NAPA: variants seen among roughly 807,000 people sequenced by gnomAD.
The protein encoded by NAPA is NSF attachment protein alpha.
NAPA carries 18 observed loss-of-function variants against 48.0 expected under a neutral mutation model. The observed-to-expected ratio is 0.38, with a 90% CI of 0.26 to 0.56. The LOEUF (loss-of-function observed/expected upper bound fraction) is 0.56, where lower values mean the gene tolerates loss of function less well. Among genes scored for constraint, NAPA ranks in the 20% least tolerant of loss-of-function variants. The probability of loss-of-function intolerance (pLI) is 0.77; values close to 1 mark genes in which losing one functional copy is unlikely to be tolerated. For synonymous variants in NAPA, 152 were observed against 149.9 expected (o/e 1.01, Z -0.10); for missense variants, 315 against 385.0 (o/e 0.82, Z 1.52).
In NAPA at chr19:47,490,191, T is replaced by C. The variant is rs376820250; in HGVS notation, c.736-430A>G. Among the ~76,000 whole-genome samples, 81 of 143,800 alleles carry C rather than the reference T, an allele frequency of 5.6e-4. No homozygotes were observed. In the South Asian group the frequency reaches 0.018, roughly 32 times the overall value. The allele number at this position is 143,800 out of a possible 152,430, so 94.3% of individuals were successfully genotyped here. A position where few individuals can be genotyped will look rare whatever the true frequency, so the allele number is the denominator to read the frequency against. On this transcript the variant is annotated intron_variant, in intron 9 of 10. Coordinates refer to ENST00000263354, the MANE Select transcript of NAPA (RefSeq NM_003827.4). ...GTGTGTGTGGTGTGTGTAGTGTGTG[T>C]GCAATGTGTGTGTGTGGGGTGTGTC...
chr19:47,492,670 C>G (rs1396639296), intron 7 of NAPA: 1 of 550,610 alleles, frequency 1.8e-6, no homozygotes, highest in African/African-American at 1.9e-5. Context: ...TTCCCTCCCT[C>G]TGGGTTCTTT....
rs1228608238 is a variant in NAPA, at chr19:47,506,922, C to T, written c.99-3420G>A. ...TCCCCAAAGGGGGAAAGTGACGTGC[C>T]TAGGTTCCAGTGGAAGATCCTGAAG... On this transcript the variant is annotated intron_variant, in intron 1 of 10. Coordinates refer to ENST00000263354, the MANE Select transcript of NAPA (RefSeq NM_003827.4). The surrounding 1 kb of genome is among the most constrained non-coding windows in gnomAD (Gnocchi z 4.0). The T allele has an allele frequency of 1.3e-5, 2 of 152,266 alleles. No individual in the cohort carries two copies. Among genetic ancestry groups the T allele is most frequent in the African/African-American group, 4.8e-5 (2 of 41,464 alleles). 9.4% of individuals were successfully genotyped at this position (152,266 alleles called of 1,614,324 possible). A position where few individuals can be genotyped will look rare whatever the true frequency, so the allele number is the denominator to read the frequency against.
chr19:47,492,197 G>T lies in NAPA; in HGVS notation c.562-78C>A, dbSNP rs188133201. On this transcript the variant is annotated intron_variant, in intron 7 of 10. Coordinates refer to ENST00000263354, the MANE Select transcript of NAPA (RefSeq NM_003827.4). ...CCAGAGCCACTGCCAGGCACTGGGG[G>T]GCCAGCTGGGAGCTGGTTCATGTCC... The T allele has an allele frequency of 4.1e-4, 525 of 1,291,686 alleles. 4 individuals carry two copies. The East Asian group carries it at 0.012, about 28-fold the overall frequency. The allele number at this position is 1,291,686 out of a possible 1,614,324, so 80.0% of individuals were successfully genotyped here.
At chr19:47,510,322 G>C (rs534623106) in intron 1 of NAPA, among the ~76,000 whole-genome samples, 7 of 152,372 alleles carry the variant, frequency 4.6e-5, no homozygotes, top group African/African-American at 1.7e-4. Context: ...AACAGGAACT[G>C]ATTTGTCAAG....
chr19:47,515,003 C>G lies in NAPA; in HGVS notation c.-63G>C. ...GACCCTGGGAAGACTCAGCCGCGGCCGGGCCGCGGAACACAGATCGGTAAA... is the reference window on the plus strand; with the variant it reads ...GACCCTGGGAAGACTCAGCCGCGGCGGGGCCGCGGAACACAGATCGGTAAA... On this transcript the variant is annotated 5_prime_UTR_variant, in exon 1 of 11. Transcript: ENST00000263354. 1.3e-6 allele frequency: 2 copies of G among 1,530,400 alleles called. No homozygotes were observed. Among genetic ancestry groups the G allele is most frequent in the Non-Finnish European group, 1.8e-6 (2 of 1,118,802 alleles). The allele number at this position is 1,530,400 out of a possible 1,614,324, so 94.8% of individuals were successfully genotyped here.
intron 1 of NAPA, 55 bp from the exon 2 acceptor site, chr19:47,503,557 A>C: frequency 6.5e-7 from 1 of 1,545,658 alleles, no homozygotes; most frequent in South Asian, 1.1e-5. Context: ...TCCAGGAGAA[A>C]GCAAGCATTC....
At chr19:47,500,147 C>T (rs954910939) in intron 3 of NAPA, among the ~76,000 whole-genome samples, 1 of 152,124 alleles carries the variant, frequency 6.6e-6, no homozygotes, top group South Asian at 2.1e-4. Flanking sequence ...AACTACATCT[C>T]GGGCTCTGTT....
At chr19:47,495,090 CT>C in intron 4 of NAPA, 1 of 176,296 alleles carries the variant, frequency 5.7e-6, no homozygotes, top group Non-Finnish European at 1.2e-5. Context: ...GCAGCCTCAA[CT>C]TCCTGGACTC....
intron 1 of NAPA, among the ~76,000 whole-genome samples, chr19:47,510,025 G>A (rs80063139): frequency 0.011 from 1,609 of 152,354 alleles, 16 homozygotes; most frequent in Middle Eastern, 0.061. Context: ...GGAACTCTCG[G>A]ATTCCCCAGA....
At chr19:47,484,572 G>C (rs8105089), downstream of NAPA, 2,178 of 195,938 alleles carry the variant, frequency 0.011, 44 homozygotes, top group African/African-American at 0.048. Flanking sequence ...CAAGGGGGTG[G>C]AGGTAGGTAC....
At chr19:47,509,521 G>T (rs7256867) in intron 1 of NAPA, among the ~76,000 whole-genome samples, 1 of 151,972 alleles carries the variant, frequency 6.6e-6, no homozygotes, top group Admixed American at 6.5e-5. Flanking sequence ...ACCCCACGGC[G>T]TGCCCAGCAG....
In NAPA at chr19:47,493,440, C is replaced by G. The variant is rs2122734842; in HGVS notation, c.396G>C (p.Glu132Asp). The G allele has an allele frequency of 6.2e-7, 1 of 1,614,052 alleles. No homozygotes were observed. The highest frequency in any genetic ancestry group is 2.2e-5 in the East Asian group (1 of 44,878). ...KHHISIAEIYETELVDIEKAI... is the reference protein window; with the variant it reads ...KHHISIAEIYDTELVDIEKAI... Reference sequence around the variant, plus strand: ...CCTTCTCGATGTCCACCAACTCTGTCTCATAGATCTCAGCAATGGAGATGT... The same window carrying G: ...CCTTCTCGATGTCCACCAACTCTGTGTCATAGATCTCAGCAATGGAGATGT... Residue 132 changes from glutamate (E) to aspartate (D), a missense_variant, in exon 5 of 11, where the codon GAG (glutamate) becomes GAC (aspartate). By Grantham distance (45) the Glu-to-Asp change is conservative (BLOSUM62 2). Around this residue, in one of 3 missense-constraint regions of NAPA, gnomAD observed 173 missense variants for 213.5 expected, o/e 0.81. Coordinates refer to ENST00000263354, the MANE Select transcript of NAPA (RefSeq NM_003827.4). This position sits in a 1 kb window ranked among gnomAD's most constrained non-coding sequence, Gnocchi z 6.4.
chr19:47,495,422 C>G, intron 4 of NAPA, 128 bp downstream of exon 4: 1 of 1,067,050 alleles, frequency 9.4e-7, no homozygotes, highest in Non-Finnish European at 1.4e-6. Flanking sequence ...CCCCCAGCTC[C>G]CACTTCCCCC....
intron 1 of NAPA, among the ~76,000 whole-genome samples, chr19:47,512,456 C>G (rs1968823461): frequency 6.6e-6 from 1 of 152,134 alleles, no homozygotes; most frequent in Non-Finnish European, 1.5e-5. Context: ...GTTTGCTGTT[C>G]ATCCTGCCTT....
intron 1 of NAPA, among the ~76,000 whole-genome samples, chr19:47,507,980 T>C (rs963045549): frequency 6.6e-6 from 1 of 152,128 alleles, no homozygotes; most frequent in Non-Finnish European, 1.5e-5. Flanking sequence ...CCAAGGCTCC[T>C]TGGGAAAATA....
Position 47,493,737 on chromosome 19 carries a change from C to T in NAPA, c.343-244G>A. ...TGATGTTGGACAAGCCACTCCAGGG[C>T]CTTAGCCTAATTCCATCCCATCCAC... On this transcript the variant is annotated intron_variant, in intron 4 of 10. Coordinates refer to ENST00000263354, the MANE Select transcript of NAPA (RefSeq NM_003827.4). The surrounding 1 kb of genome is among the most constrained non-coding windows in gnomAD (Gnocchi z 6.4). 1 of 539,540 alleles carries T rather than the reference C, an allele frequency of 1.9e-6. No homozygotes were observed. The highest frequency in any genetic ancestry group is 3.4e-6 in the Non-Finnish European group (1 of 297,610). 33.4% of individuals were successfully genotyped at this position (539,540 alleles called of 1,614,324 possible).
At chr19:47,495,235 C>A in intron 4 of NAPA, 1 of 403,600 alleles carries the variant, frequency 2.5e-6, no homozygotes, top group South Asian at 3.9e-5. Context: ...CCCAAAAGAT[C>A]CTCCCACCTC....
rs1026371326 is a variant in NAPA, at chr19:47,488,135, C to T, written c.*153G>A. 6 of 634,328 alleles carry T rather than the reference C, an allele frequency of 9.5e-6. No individual in the cohort carries two copies. Among genetic ancestry groups the T allele is most frequent in the Admixed American group, 2.7e-5 (1 of 36,432 alleles). The allele number at this position is 634,328 out of a possible 1,614,324, so 39.3% of individuals were successfully genotyped here. A position where few individuals can be genotyped will look rare whatever the true frequency, so the allele number is the denominator to read the frequency against. On this transcript the variant is annotated 3_prime_UTR_variant, in exon 11 of 11. Coordinates refer to ENST00000263354, the MANE Select transcript of NAPA (RefSeq NM_003827.4). Reference sequence around the variant, plus strand: ...TCCGGCCAGCAGCCTGGGCCTCTGGCGCCCCTGCATGCTGACCCCCGGTGC... The same window carrying T: ...TCCGGCCAGCAGCCTGGGCCTCTGGTGCCCCTGCATGCTGACCCCCGGTGC...
rs1433302454 is a variant in NAPA at position 47,492,135 on chromosome 19, A to T, written c.562-16T>A. 1.9e-6 allele frequency: 3 copies of T among 1,610,124 alleles called. No individual in the cohort carries two copies. The highest frequency in any genetic ancestry group is 1.7e-6 in the Non-Finnish European group (2 of 1,176,896). On this transcript the variant is annotated splice_polypyrimidine_tract_variant and intron_variant, in intron 7 of 10. Transcript: ENST00000263354. ...TGGTCCCCACCTGTAGCCATGGAGA[A>T]GTGGCACTGGTGAGCTCAGGGCAAG...
Sources: gnomAD v4.1 joint callset for allele counts (sites outside exome capture counted in the v4.1 genomes callset) on GRCh38, gnomAD v4.1.1 for gene constraint, gnomAD v4.1.1 regional missense constraint, Gnocchi (gnomAD v3.1) non-coding constraint, MANE v1.5 for transcripts, NCBI Gene and HGNC (gene_info 2026-07-23, HGNC 2026-07-21) for gene names.